The following NEGR1 variants were observed in gnomAD, a reference collection of about 807,000 sequenced individuals.
NEGR1 encodes the protein neuronal growth regulator 1, also known as IgLON family member 4.
NEGR1 carries 10 observed loss-of-function variants against 40.9 expected under a neutral mutation model. The observed-to-expected ratio is 0.24, with a 90% CI of 0.15 to 0.42. NEGR1 has a LOEUF of 0.42. NEGR1 is among the 10% of genes least tolerant of loss of function. The probability of loss-of-function intolerance (pLI) is 1.00; values close to 1 mark genes in which losing one functional copy is unlikely to be tolerated. For synonymous variants in NEGR1, 185 were observed against 166.8 expected, an observed-to-expected ratio of 1.11 and a Z score of -0.84; for missense variants, 352 against 438.9, an observed-to-expected ratio of 0.80 and a Z score of 1.77.
At chr1:71,947,931 A>G (rs1257734971) in intron 1 of NEGR1, among the ~76,000 whole-genome samples, 5 of 152,194 alleles carry the variant, frequency 3.3e-5, no homozygotes, top group Non-Finnish European at 7.4e-5. Flanking sequence ...AACATATTTG[A>G]GTAGTATTTC....
At chr1:72,179,708 C>T (rs1652296136) in intron 1 of NEGR1, among the ~76,000 whole-genome samples, 1 of 151,462 alleles carries the variant, frequency 6.6e-6, no homozygotes, top group South Asian at 2.1e-4. Flanking sequence ...GTGTACAAAA[C>T]CAATAGACAA....
intron 1 of NEGR1, among the ~76,000 whole-genome samples, chr1:72,142,053 G>A (rs1259009554): frequency 6.6e-6 from 1 of 151,972 alleles, no homozygotes; most frequent in Non-Finnish European, 1.5e-5. Flanking sequence ...AACCAATAGA[G>A]TAACTATCCC....
intron 1 of NEGR1, among the ~76,000 whole-genome samples, chr1:72,138,957 A>G (rs1230034895): frequency 1.3e-5 from 2 of 152,048 alleles, no homozygotes; most frequent in African/African-American, 2.4e-5. Flanking sequence ...GGGTCATAAA[A>G]ATGTCTCAAT....
intron 1 of NEGR1, among the ~76,000 whole-genome samples, chr1:72,169,625 G>C (rs1206818386): frequency 6.6e-6 from 1 of 152,078 alleles, no homozygotes; most frequent in Admixed American, 6.6e-5. Flanking sequence ...ATTCTCCAAT[G>C]GTTCTCTTTA....
chr1:71,969,095 A>C (rs971769361), intron 1 of NEGR1, among the ~76,000 whole-genome samples: 7 of 151,714 alleles, frequency 4.6e-5, no homozygotes, highest in Non-Finnish European at 1.0e-4. Context: ...GCTTACTGCA[A>C]CCTCTACCTC....
intron 1 of NEGR1, among the ~76,000 whole-genome samples, chr1:72,167,454 T>A (rs1651808457): frequency 6.6e-6 from 1 of 152,204 alleles, no homozygotes; most frequent in South Asian, 2.1e-4. Flanking sequence ...AATATAACTT[T>A]TATAAACTTA....
chr1:71,698,786 A>C (rs529830583), intron 3 of NEGR1, among the ~76,000 whole-genome samples: 1 of 152,020 alleles, frequency 6.6e-6, no homozygotes, highest in South Asian at 2.1e-4. Flanking sequence ...TTATTTTTAA[A>C]TATGCATGGG....
In NEGR1 at chr1:71,400,598, G is replaced by A. The variant is rs1646240387; in HGVS notation, c.*6848C>T. On this transcript the variant is annotated 3_prime_UTR_variant, in exon 7 of 7. Coordinates refer to ENST00000357731, the MANE Select transcript of NEGR1 (RefSeq NM_173808.3). ...TATTGGATTATGGTTTGTGAGATAA[G>A]GAAGAAAAGGAGTAATTAAAAAACA... is the stretch of plus-strand genomic sequence containing the variant. 1 of 151,534 alleles carries A rather than the reference G, an allele frequency of 6.6e-6. No individual in the cohort carries two copies. The highest frequency in any genetic ancestry group is 1.5e-5 in the Non-Finnish European group (1 of 67,966). 9.4% of individuals were successfully genotyped at this position (151,534 alleles called of 1,614,324 possible). A position where few individuals can be genotyped will look rare whatever the true frequency, so the allele number is the denominator to read the frequency against.
intron 2 of NEGR1, among the ~76,000 whole-genome samples, chr1:71,822,610 T>C (rs1214806227): frequency 6.6e-6 from 1 of 151,972 alleles, no homozygotes; most frequent in Non-Finnish European, 1.5e-5. Context: ...TTGAGGAGAC[T>C]GGACACATGA....
intron 1 of NEGR1, among the ~76,000 whole-genome samples, chr1:72,144,649 A>C (rs1191787141): frequency 2.0e-5 from 3 of 151,992 alleles, no homozygotes; most frequent in Non-Finnish European, 4.4e-5. Context: ...TTAGATTTTG[A>C]ACACTTTTCC....
At chr1:71,867,827 T>C (rs1437923990) in intron 2 of NEGR1, among the ~76,000 whole-genome samples, 3 of 152,202 alleles carry the variant, frequency 2.0e-5, no homozygotes, top group Non-Finnish European at 4.4e-5. Context: ...TCATTTTCTA[T>C]AGAAAGAATA....
intron 4 of NEGR1, among the ~76,000 whole-genome samples, chr1:71,644,175 CTTTA>C (rs1334660677): frequency 2.0e-5 from 3 of 151,844 alleles, no homozygotes; most frequent in Admixed American, 1.3e-4. Context: ...CTCTTCTATT[CTTTA>C]TTTGATTTGA....
chr1:71,967,597 T>C (rs1007770204), intron 1 of NEGR1, among the ~76,000 whole-genome samples: 2 of 152,132 alleles, frequency 1.3e-5, no homozygotes, highest in Admixed American at 1.3e-4. Flanking sequence ...ATTATACATA[T>C]AACAAATAAA....
rs79395998 is a variant in NEGR1 at position 72,094,022 on chromosome 1, A to C, written c.177-158711T>G. Among the ~76,000 whole-genome samples the C allele has an allele frequency of 4.6e-5, 7 of 152,266 alleles. No individual in the cohort carries two copies. The East Asian group carries it at 1.4e-3, about 29-fold the overall frequency. On this transcript the variant is annotated intron_variant, in intron 1 of 6. Coordinates refer to ENST00000357731, the MANE Select transcript of NEGR1 (RefSeq NM_173808.3). ...AAGGCATCCAGAAGTAAGTATTTTG[A>C]CTTATTTCATCCCTTTTCTTTACAA... is the stretch of plus-strand genomic sequence containing the variant.
At chr1:72,077,086 G>C (rs1021424480) in intron 1 of NEGR1, among the ~76,000 whole-genome samples, 1 of 151,756 alleles carries the variant, frequency 6.6e-6, no homozygotes, top group Non-Finnish European at 1.5e-5. Flanking sequence ...GTAGAGAAAA[G>C]GTTTCTACCA....
At chr1:72,258,981 G>A (rs2100542500) in intron 1 of NEGR1, among the ~76,000 whole-genome samples, 1 of 152,066 alleles carries the variant, frequency 6.6e-6, no homozygotes, top group African/African-American at 2.4e-5. Flanking sequence ...AAGTATGGAA[G>A]GTCTTTAAAA....
At chr1:72,229,288 T>G (rs897057735) in intron 1 of NEGR1, among the ~76,000 whole-genome samples, 2 of 150,830 alleles carry the variant, frequency 1.3e-5, no homozygotes, top group Non-Finnish European at 3.0e-5. Context: ...ATTTTTGGTT[T>G]ACAGTAATGT....
At chr1:72,027,126 CTG>C (rs1646817656) in intron 1 of NEGR1, among the ~76,000 whole-genome samples, 1 of 152,096 alleles carries the variant, frequency 6.6e-6, no homozygotes, top group Admixed American at 6.6e-5. Flanking sequence ...CAGGGTTTCA[CTG>C]TGTTAGCCAG....
At chr1:72,175,257 T>G (rs1359605751) in intron 1 of NEGR1, among the ~76,000 whole-genome samples, 1 of 152,140 alleles carries the variant, frequency 6.6e-6, no homozygotes, top group Non-Finnish European at 1.5e-5. Context: ...CATCTACCCA[T>G]CAACAACAGA....
Sources: gnomAD v4.1 joint callset for allele counts (sites outside exome capture counted in the v4.1 genomes callset) on GRCh38, gnomAD v4.1.1 for gene constraint, MANE v1.5 for transcripts, NCBI Gene and HGNC (gene_info 2026-07-23, HGNC 2026-07-21) for gene names.